MAP4K4: variants seen among roughly 807,000 people sequenced by gnomAD.
The protein encoded by MAP4K4 is HPK/GCK-like kinase HGK.
A neutral mutation model predicts 189.6 loss-of-function variants in MAP4K4; 38 were observed. The observed-to-expected ratio is 0.20, with a 90% confidence interval of 0.15 to 0.26. The LOEUF (loss-of-function observed/expected upper bound fraction) is 0.26, where lower values mean the gene tolerates loss of function less well. MAP4K4 is among the 10% of genes least tolerant of loss of function. The pLI is 1.00. For synonymous variants in MAP4K4, 610 were observed against 624.3 expected (o/e 0.98, Z 0.34); for missense variants, 1,054 against 1,726.9 (o/e 0.61, Z 6.91).
At chr2:101,887,114 A>C (rs1306569813) in exon 30 of MAP4K4, 1 of 1,598,510 alleles carries the variant, frequency 6.3e-7, no homozygotes, top group South Asian at 1.1e-5. Context: ...TACATAAGCC[A>C]TTACTGGTGG....
chr2:101,869,812 T>C lies in MAP4K4; in HGVS notation c.2639+15T>C, dbSNP rs1003434834. On this transcript the variant is annotated intron_variant, in intron 22 of 32. Coordinates refer to ENST00000324219, the Ensembl canonical transcript of MAP4K4. ...ACCAGAGCAGCGTCAGTCCCCGGTC[T>C]CTTTTAGAGCGGATGAGAGTATTCT... 6.5e-7 allele frequency: 1 copy of C among 1,528,872 alleles called. No homozygotes were observed. The highest frequency in any genetic ancestry group is 8.8e-7 in the Non-Finnish European group (1 of 1,137,118). The allele number at this position is 1,528,872 out of a possible 1,614,324, so 94.7% of individuals were successfully genotyped here.
chr2:101,814,683 TA>T (rs759506825), intron 3 of MAP4K4, among the ~76,000 whole-genome samples: 14 of 152,256 alleles, frequency 9.2e-5, no homozygotes, highest in Admixed American at 8.5e-4. Flanking sequence ...TTTGGTTTAA[TA>T]TCATGACATT....
exon 7 of MAP4K4, chr2:101,831,760 G>A: frequency 6.2e-7 from 1 of 1,605,920 alleles, no homozygotes; most frequent in Non-Finnish European, 8.5e-7. Context: ...AGGACTGTGG[G>A]GCGGAGAAAT....
intron 2 of MAP4K4, among the ~76,000 whole-genome samples, chr2:101,750,401 A>G (rs2068185455): frequency 1.4e-5 from 2 of 145,328 alleles, no homozygotes; most frequent in African/African-American, 2.6e-5. Context: ...TCAGTAAACT[A>G]TCGCAAGAAC....
chr2:101,892,554 C>T, exon 33 of MAP4K4: 1 of 267,230 alleles, frequency 3.7e-6, no homozygotes, highest in Non-Finnish European at 7.4e-6. Context: ...ACAAACTGTT[C>T]AGTGTTGCAG....
intron 12 of MAP4K4, among the ~76,000 whole-genome samples, chr2:101,846,118 G>A (rs998614317): frequency 2.0e-5 from 3 of 152,220 alleles, no homozygotes; most frequent in Non-Finnish European, 4.4e-5. Context: ...AAAACAGGAC[G>A]TACGTTCCCC....
chr2:101,873,053 G>A (rs1296998955), intron 24 of MAP4K4, among the ~76,000 whole-genome samples: 1 of 152,000 alleles, frequency 6.6e-6, no homozygotes, highest in Non-Finnish European at 1.5e-5. Context: ...CAAAACACTA[G>A]TGCTCCTAAA....
intron 16 of MAP4K4, among the ~76,000 whole-genome samples, chr2:101,863,299 T>C (rs1436599715): frequency 6.6e-6 from 1 of 152,246 alleles, no homozygotes; most frequent in East Asian, 1.9e-4. Flanking sequence ...TGAGATATTA[T>C]AGTCTCAAAA....
At chr2:101,734,583 C>T (rs574905489) in intron 2 of MAP4K4, among the ~76,000 whole-genome samples, 6 of 64,012 alleles carry the variant, frequency 9.4e-5, no homozygotes, top group South Asian at 4.4e-4. Flanking sequence ...CCCATTTACC[C>T]GCGCACACAA....
intron 3 of MAP4K4, among the ~76,000 whole-genome samples, chr2:101,817,133 T>C (rs780829917): frequency 8.5e-5 from 13 of 152,228 alleles, no homozygotes; most frequent in Non-Finnish European, 1.5e-4. Flanking sequence ...AGTACTAATA[T>C]GAACTATTTC....
intron 3 of MAP4K4, among the ~76,000 whole-genome samples, chr2:101,799,583 G>A: frequency 7.0e-6 from 1 of 143,006 alleles, no homozygotes; most frequent in East Asian, 2.0e-4. Context: ...ATGTGTGTGG[G>A]TTTTTTTTTT....
intron 8 of MAP4K4, 57 bp downstream of exon 8, chr2:101,834,520 C>G: frequency 2.9e-6 from 4 of 1,367,512 alleles, no homozygotes; most frequent in South Asian, 1.2e-5. Flanking sequence ...AAACCCCTCC[C>G]AAGACTTCAA....
chr2:101,887,069 T>C lies in MAP4K4; in HGVS notation c.3622-19T>C, dbSNP rs886931877. On this transcript the variant is annotated intron_variant, in intron 29 of 32. Transcript: ENST00000324219. ...ATGTTCTCCTTCATCTTCTCACTTC[T>C]CTTATGGCTTCTTTGCAGTCATTTG... 8 of 1,477,340 alleles carry C rather than the reference T, an allele frequency of 5.4e-6. No homozygotes were observed. The highest frequency in any genetic ancestry group is 4.3e-5 in the African/African-American group (3 of 69,640). The allele number at this position is 1,477,340 out of a possible 1,614,324, so 91.5% of individuals were successfully genotyped here. A position where few individuals can be genotyped will look rare whatever the true frequency, so the allele number is the denominator to read the frequency against.
intron 20 of MAP4K4, chr2:101,867,715 T>C (rs1345954508): frequency 7.0e-6 from 3 of 426,048 alleles, no homozygotes; most frequent in Non-Finnish European, 8.3e-6. Context: ...GTTCAGCATT[T>C]ACAATACTGG....
At chr2:101,840,044 T>C (rs781012103) in intron 10 of MAP4K4, 50 bp downstream of exon 10, 3 of 1,526,856 alleles carry the variant, frequency 2.0e-6, no homozygotes, top group Non-Finnish European at 2.6e-6. Context: ...ATGTTTAGTT[T>C]CTTGCCAACT....
intron 23 of MAP4K4, 34 bp from the exon 24 acceptor site, chr2:101,871,460 T>C (rs1324260339): frequency 6.7e-7 from 1 of 1,502,850 alleles, no homozygotes; most frequent in Non-Finnish European, 8.9e-7. Context: ...TTAGCAGCGC[T>C]TGAGCGAGAC....
intron 3 of MAP4K4, among the ~76,000 whole-genome samples, chr2:101,791,421 A>C (rs2092867338): frequency 6.6e-6 from 1 of 152,214 alleles, no homozygotes; most frequent in African/African-American, 2.4e-5. Flanking sequence ...GCACGAGCCC[A>C]TATTTAAATT....
At chr2:101,777,084 G>A (rs2084600438) in intron 2 of MAP4K4, among the ~76,000 whole-genome samples, 1 of 152,170 alleles carries the variant, frequency 6.6e-6, no homozygotes, top group Non-Finnish European at 1.5e-5. Flanking sequence ...TGCCAATATA[G>A]GCCTCAGACC....
intron 2 of MAP4K4, among the ~76,000 whole-genome samples, chr2:101,732,880 T>C (rs2059073556): frequency 6.6e-6 from 1 of 152,212 alleles, no homozygotes; most frequent in Non-Finnish European, 1.5e-5. Context: ...AGCCACCGCA[T>C]CCAGCCCTCC....
Sources: allele counts gnomAD v4.1 joint callset (sites outside exome capture counted in the v4.1 genomes callset), GRCh38; gene constraint gnomAD v4.1.1; transcripts MANE v1.5; gene names NCBI Gene and HGNC (gene_info 2026-07-23, HGNC 2026-07-21).